SMCHD1: variants seen among roughly 807,000 people sequenced by gnomAD.
SMCHD1 encodes structural maintenance of chromosomes flexible hinge domain-containing protein 1.
SMCHD1 carries 78 observed loss-of-function variants against 254.7 expected under a neutral mutation model. That is an observed-to-expected ratio of 0.31 (90% CI 0.26 to 0.37). The LOEUF is 0.37. Ranked by LOEUF, SMCHD1 falls within the 10% of genes least tolerant of loss-of-function variation. SMCHD1 has a pLI of 1.00. For synonymous variants in SMCHD1, 766 were observed against 794.9 expected, an observed-to-expected ratio of 0.96 and a Z score of 0.61; for missense variants, 1,840 against 2,408.1, an observed-to-expected ratio of 0.76 and a Z score of 4.94.
At chr18:2,683,152 A>G (rs1354238129) in intron 5 of SMCHD1, among the ~76,000 whole-genome samples, 7 of 152,174 alleles carry the variant, frequency 4.6e-5, no homozygotes, top group Non-Finnish European at 1.0e-4. Context: ...GAAATATTTT[A>G]AGGAAAATAT....
At chr18:2,783,470 T>A (rs956248219) in intron 44 of SMCHD1, among the ~76,000 whole-genome samples, 1 of 152,222 alleles carries the variant, frequency 6.6e-6, no homozygotes, top group Non-Finnish European at 1.5e-5. Flanking sequence ...GAAGTTTAAC[T>A]TTTATTTTTT....
intron 45 of SMCHD1, chr18:2,784,958 AAAG>A (rs1015045551): frequency 1.0e-4 from 40 of 381,362 alleles, no homozygotes; most frequent in African/African-American, 8.2e-4. Context: ...AAAAAAAAAA[AAAG>A]AAGAAATTTC....
intron 35 of SMCHD1, 60 bp downstream of exon 35, chr18:2,760,799 T>C: frequency 2.2e-6 from 2 of 918,168 alleles, no homozygotes; most frequent in Non-Finnish European, 3.5e-6. Context: ...TTTTCCCTCT[T>C]GGTTCTGCAT....
At position 2,803,518 on chromosome 18, in the gene SMCHD1, G is replaced by GGTAA. The variant is rs1437029818; in HGVS notation, c.*973_*976dup. 6.6e-6 allele frequency: 1 copy of GGTAA among 151,932 alleles called. No individual in the cohort carries two copies. The highest frequency in any genetic ancestry group is 6.6e-5 in the Admixed American group (1 of 15,232). The allele number at this position is 151,932 out of a possible 1,614,324, so 9.4% of individuals were successfully genotyped here. ...AGTTATTTTGTAAGGACATACATTT[G>GGTAA]GTAAGTAAGTTTGTGTCCCAGGAAA... On this transcript the variant is annotated 3_prime_UTR_variant, in exon 48 of 48. Coordinates refer to ENST00000320876, the MANE Select transcript of SMCHD1 (RefSeq NM_015295.3).
intron 17 of SMCHD1, among the ~76,000 whole-genome samples, chr18:2,711,950 C>T (rs1043434749): frequency 6.6e-6 from 1 of 152,166 alleles, no homozygotes; most frequent in African/African-American, 2.4e-5. Context: ...CCCTCTTTTG[C>T]CATATGATCT....
intron 44 of SMCHD1, among the ~76,000 whole-genome samples, chr18:2,778,592 C>T (rs1255604525): frequency 6.6e-6 from 1 of 151,704 alleles, no homozygotes; most frequent in Non-Finnish European, 1.5e-5. Flanking sequence ...TGTCCCACAA[C>T]AGACTGGGTG....
At chr18:2,706,840 G>T (rs2074526020) in intron 15 of SMCHD1, among the ~76,000 whole-genome samples, 1 of 152,110 alleles carries the variant, frequency 6.6e-6, no homozygotes, top group South Asian at 2.1e-4. Flanking sequence ...CCTGAGACTG[G>T]GTAATTTATA....
Position 2,750,362 on chromosome 18 carries a change from T to G in SMCHD1, c.4020T>G (p.Thr1340=). 1.2e-6 allele frequency: 2 copies of G among 1,611,410 alleles called. No individual in the cohort carries two copies. The highest frequency in any genetic ancestry group is 1.7e-6 in the Non-Finnish European group (2 of 1,178,716). ...FSVFAPRGEH[T]LQVKAIYNKS... ...TTTGTTTTGTTAGGGGAGAGCATAC[T>G]CTTCAGGTTAAAGCCATCTATAACA... The change falls in exon 32 of 48, where the codon ACT becomes ACG. Residue 1340 remains threonine, a synonymous_variant. Transcript: ENST00000320876.
At chr18:2,749,976 G>T in intron 30 of SMCHD1, 67 bp from the exon 31 acceptor site, 1 of 1,343,020 alleles carries the variant, frequency 7.4e-7, no homozygotes, top group Non-Finnish European at 1.0e-6. Context: ...ACATTGTAAT[G>T]GAAGAAAAGA....
At chr18:2,725,045 A>G (rs2074999147) in intron 21 of SMCHD1, 50 bp downstream of exon 21, 2 of 1,089,534 alleles carry the variant, frequency 1.8e-6, no homozygotes, top group Non-Finnish European at 2.6e-6. Flanking sequence ...TTTATTTATC[A>G]TATGGTAAGA....
At chr18:2,716,715 G>A (rs953784767) in intron 17 of SMCHD1, among the ~76,000 whole-genome samples, 10 of 152,158 alleles carry the variant, frequency 6.6e-5, no homozygotes. Flanking sequence ...AAGTGGGGTC[G>A]CTAGGGCTCC....
chr18:2,732,417 T>G lies in SMCHD1; in HGVS notation c.3201T>G (p.His1067Gln). The change falls in exon 25 of 48, where the codon CAT becomes CAG. Residue 1067 changes from histidine to glutamine, a missense_variant. This residue lies in a region of SMCHD1 where 881 missense variants were observed against 1,009.5 expected (regional missense o/e 0.87). Transcript: ENST00000320876. ...ATTGGATAGCGGGTGATATTATGCA[T>G]AATCTTATTTTTCAAATGTATGATG... Reference protein sequence around the residue: ...EVNWIAGDIMHNLIFQMYDEG... With the variant: ...EVNWIAGDIMQNLIFQMYDEG... 3.1e-6 allele frequency: 5 copies of G among 1,613,174 alleles called. No homozygotes were observed. The highest frequency in any genetic ancestry group is 4.2e-6 in the Non-Finnish European group (5 of 1,179,594).
chr18:2,677,159 A>G (rs1198969254), intron 5 of SMCHD1, among the ~76,000 whole-genome samples: 1 of 116,422 alleles, frequency 8.6e-6, no homozygotes, highest in East Asian at 2.1e-4. Context: ...ATTTAAAAAC[A>G]TACAGAAAAG....
Position 2,656,105 on chromosome 18 carries a change from TG to T in SMCHD1, c.34del (p.Ala12ProfsTer97). 1 of 1,418,870 alleles carries T rather than the reference TG, an allele frequency of 7.0e-7. No homozygotes were observed. Among genetic ancestry groups the T allele is most frequent in the South Asian group, 1.6e-5 (1 of 63,290 alleles). The allele number at this position is 1,418,870 out of a possible 1,614,324, so 87.9% of individuals were successfully genotyped here. On this transcript the variant is annotated frameshift_variant, in exon 1 of 48. Transcript: ENST00000320876. LOFTEE classifies it high-confidence loss of function. MAAADGGGPGGASVGTEEDGG... is the reference protein window; with the variant it reads MAAADGGGPGXASVGTEEDGG... Reference sequence around the variant, plus strand: ...CAGCGGCGGACGGCGGCGGGCCTGGTGGGGCCTCTGTGGGGACTGAGGAGGA... The same window carrying T: ...CAGCGGCGGACGGCGGCGGGCCTGGTGGGCCTCTGTGGGGACTGAGGAGGA...
chr18:2,714,038 T>C (rs1598355236), intron 17 of SMCHD1, among the ~76,000 whole-genome samples: 1 of 152,236 alleles, frequency 6.6e-6, no homozygotes, highest in African/African-American at 2.4e-5. Context: ...TTAAATCCAA[T>C]GTTCCTTTGT....
chr18:2,728,371 T>G, intron 22 of SMCHD1, 86 bp from the exon 23 acceptor site: 2 of 1,290,512 alleles, frequency 1.5e-6, no homozygotes, highest in Non-Finnish European at 2.1e-6. Flanking sequence ...TATTAAGTCT[T>G]TAATGTTAAA....
chr18:2,705,853 C>CT (rs750417979), intron 14 of SMCHD1, 46 bp downstream of exon 14: 2 of 1,136,384 alleles, frequency 1.8e-6, no homozygotes, highest in Non-Finnish European at 2.6e-6. Context: ...CTTGATAACA[C>CT]TTTTGCATAA....
intron 12 of SMCHD1, among the ~76,000 whole-genome samples, chr18:2,701,979 C>CG (rs1186596122): frequency 6.6e-6 from 1 of 151,840 alleles, no homozygotes; most frequent in Non-Finnish European, 1.5e-5. Flanking sequence ...AAGAATTATA[C>CG]ACCGAGAAAG....
chr18:2,794,241 G>C (rs1007277226), intron 45 of SMCHD1, among the ~76,000 whole-genome samples: 17 of 152,142 alleles, frequency 1.1e-4, no homozygotes, highest in Admixed American at 1.3e-4. Context: ...GATCGCTTAA[G>C]CCCAGGAGTT....
Sources: gnomAD v4.1 joint callset for allele counts (sites outside exome capture counted in the v4.1 genomes callset) on GRCh38, gnomAD v4.1.1 for gene constraint, gnomAD v4.1.1 regional missense constraint, MANE v1.5 for transcripts, NCBI Gene and HGNC (gene_info 2026-07-23, HGNC 2026-07-21) for gene names.